ATL1: variants seen among roughly 807,000 people sequenced by gnomAD.
ATL1 encodes atlastin GTPase 1, also known as atlastin-1.
Under a neutral mutation model 75.5 loss-of-function variants are expected in ATL1, and 31 were observed. That is an observed-to-expected ratio of 0.41 (90% CI 0.31 to 0.55). The LOEUF is 0.55. ATL1 is among the 20% of genes least tolerant of loss of function. The pLI, the probability that ATL1 is intolerant of heterozygous loss-of-function variation, is 0.27. For missense variants in ATL1, 405 were observed against 662.6 expected, an observed-to-expected ratio of 0.61 and a Z score of 4.27; for synonymous variants, 226 against 233.3, an observed-to-expected ratio of 0.97 and a Z score of 0.28.
chr14:50,551,107 A>G (rs1647424672), intron 1 of ATL1, among the ~76,000 whole-genome samples: 1 of 152,192 alleles, frequency 6.6e-6, no homozygotes, highest in African/African-American at 2.4e-5. Context: ...TTGAAAAGAT[A>G]AACAAAATTG....
chr14:50,589,855 C>A (rs1367720716), intron 2 of ATL1, among the ~76,000 whole-genome samples: 1 of 152,026 alleles, frequency 6.6e-6, no homozygotes, highest in Non-Finnish European at 1.5e-5. Flanking sequence ...CCAAGTAGTC[C>A]TCTCCCAAAT....
chr14:50,600,008 G>A (rs1204841708), intron 6 of ATL1, among the ~76,000 whole-genome samples: 2 of 150,980 alleles, frequency 1.3e-5, no homozygotes, highest in African/African-American at 4.9e-5. Context: ...TCATTTGTTA[G>A]GTTGATCGTT....
rs2039117245 is a variant in ATL1 at position 50,587,856 on chromosome 14, A to G, written c.60A>G (p.Glu20=). The G allele has an allele frequency of 6.2e-7, 1 of 1,614,210 alleles. No individual in the cohort carries two copies. Among genetic ancestry groups the G allele is most frequent in the Non-Finnish European group, 8.5e-7 (1 of 1,180,026 alleles). The change falls in exon 2 of 14, where the codon GAA becomes GAG. Residue 20 remains glutamate (E), a synonymous_variant. Transcript: ENST00000358385. The stretch of plus-strand genomic sequence containing the variant: ...GTGGATTTTCGGAAAAGACATATGA[A>G]TGGAGCTCAGAAGAGGAGGAGCCAG... ...SWGGFSEKTY[E]WSSEEEEPVK...
At chr14:50,622,996 T>G (rs567259296) in intron 10 of ATL1, among the ~76,000 whole-genome samples, 181 bp from the exon 11 acceptor site, 1 of 152,328 alleles carries the variant, frequency 6.6e-6, no homozygotes, top group South Asian at 2.1e-4. Context: ...GTTTATGCAT[T>G]TTTGAAACTT....
At chr14:50,566,080 C>A (rs1366546943) in intron 1 of ATL1, among the ~76,000 whole-genome samples, 2 of 152,170 alleles carry the variant, frequency 1.3e-5, no homozygotes, top group Non-Finnish European at 2.9e-5. Context: ...TCACTGCAAC[C>A]TCCGCCTCCC....
intron 1 of ATL1, among the ~76,000 whole-genome samples, chr14:50,535,567 T>C (rs986038213): frequency 1.3e-5 from 2 of 148,298 alleles, no homozygotes; most frequent in Admixed American, 6.9e-5. Flanking sequence ...GATTTTTAAA[T>C]AATTATTATT....
At position 50,621,862 on chromosome 14, in the gene ATL1, A is replaced by T. The variant is rs896712898; in HGVS notation, c.1010A>T (p.Gln337Leu). 8.1e-6 allele frequency: 13 copies of T among 1,597,832 alleles called. No homozygotes were observed. The highest frequency in any genetic ancestry group is 1.1e-5 in the Non-Finnish European group (13 of 1,166,242). Residue 337 changes from glutamine to leucine, a missense_variant, in exon 10 of 14, where the codon CAA (glutamine) becomes CTA (leucine). Around this residue, in one of 5 missense-constraint regions of ATL1, gnomAD observed 56 missense variants for 66.6 expected, o/e 0.84. Coordinates refer to ENST00000358385, the MANE Select transcript of ATL1 (RefSeq NM_015915.5). ...EYFKAYIKIY[Q>L]GEELPHPKSM... ...TTTTAGGCTTATATAAAGATCTATC[A>T]AGGTGAAGAATTACCACATCCCAAA...
intron 6 of ATL1, among the ~76,000 whole-genome samples, chr14:50,611,299 A>C (rs2039363869): frequency 6.6e-6 from 1 of 152,116 alleles, no homozygotes; most frequent in Non-Finnish European, 1.5e-5. Context: ...AACTGAAAGA[A>C]GTCCACCAAC....
intron 1 of ATL1, among the ~76,000 whole-genome samples, chr14:50,546,901 A>G (rs775615462): frequency 6.6e-6 from 1 of 152,254 alleles, no homozygotes; most frequent in Admixed American, 6.5e-5. Flanking sequence ...GGTTTGTTAC[A>G]TAGGCATACA....
intron 10 of ATL1, 54 bp downstream of exon 10, chr14:50,621,953 C>G (rs1366796743): frequency 8.2e-7 from 1 of 1,223,226 alleles, no homozygotes; most frequent in East Asian, 2.3e-5. Flanking sequence ...GCTAAGATTT[C>G]TGGCTGTCAG....
rs1166421944 is a variant in ATL1, at chr14:50,560,179, G to C, written c.-87G>C. The C allele has an allele frequency of 6.5e-7, 1 of 1,538,620 alleles. No homozygotes were observed. The highest frequency in any genetic ancestry group is 1.4e-5 in the African/African-American group (1 of 73,178). ...GCGAACTGCGCCCAGCGCGGGCACG[G>C]AGCCTCCCACCGCCAGCAACCTGCG... On this transcript the variant is annotated 5_prime_UTR_variant, in exon 1 of 14. Transcript: ENST00000358385.
chr14:50,591,611 C>T lies in ATL1; in HGVS notation c.494C>T (p.Ala165Val), dbSNP rs1381369727. The change falls in exon 4 of 14, where the codon GCC becomes GTC. Residue 165 changes from alanine to valine, a missense_variant. By Grantham distance (64) the Ala-to-Val change is moderately conservative. Coordinates refer to ENST00000358385, the MANE Select transcript of ATL1 (RefSeq NM_015915.5). The stretch of plus-strand genomic sequence containing the variant: ...TTGAGAGATTCAGCCACAGTATTTG[C>T]CCTTAGCACAATGATCAGCTCAATA... Reference protein sequence around the residue: ...STLRDSATVFALSTMISSIQV... With the variant: ...STLRDSATVFVLSTMISSIQV... The T allele has an allele frequency of 6.2e-7, 1 of 1,613,358 alleles. No individual in the cohort carries two copies. Among genetic ancestry groups the T allele is most frequent in the Non-Finnish European group, 8.5e-7 (1 of 1,179,650 alleles).
At position 50,591,656 on chromosome 14, in the gene ATL1, T is replaced by C; in HGVS notation, c.522+17T>C. ...TCAATACAGGTATGAAATAAGCCCA[T>C]TTTGATGATGTTTCTTTAACTAAAA... On this transcript the variant is annotated intron_variant, in intron 4 of 13. Transcript: ENST00000358385. The C allele has an allele frequency of 6.4e-7, 1 of 1,556,810 alleles. No homozygotes were observed. Among genetic ancestry groups the C allele is most frequent in the Non-Finnish European group, 8.9e-7 (1 of 1,128,128 alleles).
At chr14:50,589,416 C>T (rs1436462150) in intron 2 of ATL1, among the ~76,000 whole-genome samples, 1 of 152,034 alleles carries the variant, frequency 6.6e-6, no homozygotes, top group Non-Finnish European at 1.5e-5. Context: ...CCTCGGCCTC[C>T]CAAAGTGCTG....
chr14:50,609,634 A>G (rs1035259375), intron 6 of ATL1, among the ~76,000 whole-genome samples: 4 of 152,036 alleles, frequency 2.6e-5, no homozygotes, highest in Non-Finnish European at 5.9e-5. Flanking sequence ...GGGAATGTCA[A>G]TATGAATTTA....
chr14:50,547,402 G>A (rs2038647038), intron 1 of ATL1, among the ~76,000 whole-genome samples: 1 of 152,164 alleles, frequency 6.6e-6, no homozygotes, highest in Admixed American at 6.5e-5. Context: ...TGTTATGTAG[G>A]GGAAGCATTG....
chr14:50,560,631 G>T (rs1461168933), intron 1 of ATL1: 8 of 383,718 alleles, frequency 2.1e-5, no homozygotes, highest in Non-Finnish European at 3.0e-5. Flanking sequence ...CTTAGCGATC[G>T]GTTGGGAGGA....
chr14:50,614,539 C>T, intron 8 of ATL1, 28 bp downstream of exon 8: 1 of 1,609,930 alleles, frequency 6.2e-7, no homozygotes, highest in Non-Finnish European at 8.5e-7. Flanking sequence ...AATATGTTTG[C>T]ATCACTTAGT....
chr14:50,562,834 A>T (rs180840093), intron 1 of ATL1, among the ~76,000 whole-genome samples: 23 of 152,328 alleles, frequency 1.5e-4, no homozygotes, highest in Non-Finnish European at 3.1e-4. Context: ...ATGGAGTAGG[A>T]GATAGAGGTT....
Sources: gnomAD v4.1 joint callset for allele counts (sites outside exome capture counted in the v4.1 genomes callset) on GRCh38, gnomAD v4.1.1 for gene constraint, gnomAD v4.1.1 regional missense constraint, MANE v1.5 for transcripts, NCBI Gene and HGNC (gene_info 2026-07-23, HGNC 2026-07-21) for gene names.